The following TM4SF4 variants were observed in gnomAD, a reference collection of about 807,000 sequenced individuals.
The protein encoded by TM4SF4 is transmembrane 4 L six family member 4, also known as transmembrane 4 L6 family member 4.
A neutral mutation model predicts 24.1 loss-of-function variants in TM4SF4; 24 were observed. The ratio of observed to expected loss-of-function variants is 1.00; its 90% CI spans 0.72 to 1.40. The LOEUF (loss-of-function observed/expected upper bound fraction) is 1.40, where lower values mean the gene tolerates loss of function less well. TM4SF4 is among the 40% of genes most tolerant of loss of function. The probability of loss-of-function intolerance (pLI) is 0.00; values close to 1 mark genes in which losing one functional copy is unlikely to be tolerated. For missense variants in TM4SF4, 254 were observed against 254.2 expected (o/e 1.00, Z 0.01); for synonymous variants, 113 against 97.0 (o/e 1.17, Z -0.97).
rs6440615 is a variant in TM4SF4, at chr3:149,479,717, G to A, written c.264+3805G>A. Among the ~76,000 whole-genome samples, 726 of 152,336 alleles carry A rather than the reference G, an allele frequency of 4.8e-3. 4 individuals carry two copies. The highest frequency in any genetic ancestry group is 0.017 in the African/African-American group (687 of 41,582). ...CATTGCATAGGAAGCCCTGCAGGTG[G>A]AAAGGCCTGTGAGGCAGACACAGAC... is the stretch of plus-strand genomic sequence containing the variant. On this transcript the variant is annotated intron_variant, in intron 2 of 4. Coordinates refer to ENST00000305354, the MANE Select transcript of TM4SF4 (RefSeq NM_004617.4).
intron 3 of TM4SF4, among the ~76,000 whole-genome samples, chr3:149,492,007 A>G (rs1254197252): frequency 2.0e-5 from 3 of 152,148 alleles, no homozygotes; most frequent in Non-Finnish European, 4.4e-5. Context: ...CAAGCAAGAC[A>G]TGGCATGGCT....
intron 2 of TM4SF4, among the ~76,000 whole-genome samples, chr3:149,478,226 A>T (rs942965522): frequency 6.6e-6 from 1 of 152,166 alleles, no homozygotes; most frequent in Non-Finnish European, 1.5e-5. Flanking sequence ...GCTCACTGCA[A>T]CCTCTGCCTC....
intron 1 of TM4SF4, among the ~76,000 whole-genome samples, chr3:149,475,512 G>T (rs2107864677): frequency 6.6e-6 from 1 of 152,292 alleles, no homozygotes; most frequent in South Asian, 2.1e-4. Flanking sequence ...CTCCGTTTGA[G>T]AGAGTGAAAG....
rs746385425 is a variant in TM4SF4 at position 149,475,062 on chromosome 3, A to T, written c.174+11A>T. ...GGAAGCGGTGTCTTGGTGAGTAGGG[A>T]AGCTTAAAATCCCCCTAAGGGAGAT... On this transcript the variant is annotated intron_variant, in intron 1 of 4. Transcript: ENST00000305354. The T allele has an allele frequency of 3.2e-6, 5 of 1,540,024 alleles. No individual in the cohort carries two copies. The highest frequency in any genetic ancestry group is 1.5e-5 in the African/African-American group (1 of 68,650).
intron 3 of TM4SF4, 30 bp from the exon 4 acceptor site, chr3:149,498,692 T>A: frequency 6.3e-7 from 1 of 1,599,588 alleles, no homozygotes; most frequent in Non-Finnish European, 8.6e-7. Flanking sequence ...TTTTTACAAA[T>A]GTTTCCTTTG....
At chr3:149,475,672 C>G (rs1733915090) in intron 1 of TM4SF4, 151 bp from the exon 2 acceptor site, 1 of 649,340 alleles carries the variant, frequency 1.5e-6, no homozygotes, top group African/African-American at 1.8e-5. Flanking sequence ...CCATAACACT[C>G]CATTACCCCT....
At chr3:149,477,583 T>G (rs980205874) in intron 2 of TM4SF4, among the ~76,000 whole-genome samples, 1 of 152,236 alleles carries the variant, frequency 6.6e-6, no homozygotes, top group East Asian at 1.9e-4. Flanking sequence ...TGCTCCAATG[T>G]GCATACATTA....
intron 2 of TM4SF4, among the ~76,000 whole-genome samples, chr3:149,486,295 G>A (rs981843728): frequency 2.0e-5 from 3 of 152,146 alleles, no homozygotes; most frequent in Non-Finnish European, 4.4e-5. Flanking sequence ...ATTTTAAGAT[G>A]ATAAAACTAA....
intron 2 of TM4SF4, among the ~76,000 whole-genome samples, chr3:149,481,604 G>A (rs1298513851): frequency 6.6e-6 from 1 of 152,092 alleles, no homozygotes; most frequent in Admixed American, 6.5e-5. Context: ...AAGGAGGAAT[G>A]TCCATGCCCT....
intron 2 of TM4SF4, among the ~76,000 whole-genome samples, chr3:149,484,765 G>A (rs554762571): frequency 6.6e-6 from 1 of 152,160 alleles, no homozygotes; most frequent in South Asian, 2.1e-4. Flanking sequence ...TATTGGCCAG[G>A]CTGGTCTGGA....
chr3:149,475,840 G>A lies in TM4SF4; in HGVS notation c.192G>A (p.Leu64=). 1 of 1,612,144 alleles carries A rather than the reference G, an allele frequency of 6.2e-7. No individual in the cohort carries two copies. Among genetic ancestry groups the A allele is most frequent in the Non-Finnish European group, 8.5e-7 (1 of 1,179,190 alleles). The stretch of plus-strand genomic sequence containing the variant: ...CCTGGTAGATGATCTTCCCTGCGCT[G>A]GTGTTCTTGGGCCTGAAGAACAATG... The part of the protein sequence containing the change: ...GSGVLMIFPA[L]VFLGLKNNDC... Residue 64 remains leucine, a synonymous_variant, in exon 2 of 5, where the codon CTG becomes CTA. Coordinates refer to ENST00000305354, the MANE Select transcript of TM4SF4 (RefSeq NM_004617.4).
chr3:149,494,314 A>C (rs775647064), intron 3 of TM4SF4, among the ~76,000 whole-genome samples: 23 of 152,162 alleles, frequency 1.5e-4, no homozygotes. Context: ...CAGGCAACCA[A>C]ATTCAATCCT....
At chr3:149,486,482 C>T (rs904338794) in intron 2 of TM4SF4, among the ~76,000 whole-genome samples, 1 of 152,218 alleles carries the variant, frequency 6.6e-6, no homozygotes, top group Non-Finnish European at 1.5e-5. Flanking sequence ...ATTCTACTTT[C>T]TAGTTACTGT....
intron 3 of TM4SF4, 42 bp downstream of exon 3, chr3:149,487,797 G>A (rs374635570): frequency 1.9e-6 from 3 of 1,603,214 alleles, no homozygotes; most frequent in East Asian, 2.2e-5. Flanking sequence ...ACCACAAGGG[G>A]CATGGGCAGA....
intron 4 of TM4SF4, among the ~76,000 whole-genome samples, chr3:149,500,140 T>C (rs186384737): frequency 5.3e-5 from 8 of 152,130 alleles, no homozygotes; most frequent in Admixed American, 4.6e-4. Flanking sequence ...TCCCCCAAAA[T>C]TGCAGTAATA....
chr3:149,476,653 T>C (rs1733932885), intron 2 of TM4SF4, among the ~76,000 whole-genome samples: 1 of 152,196 alleles, frequency 6.6e-6, no homozygotes, highest in Non-Finnish European at 1.5e-5. Flanking sequence ...CAAGCTCTGG[T>C]GCTACACAGA....
chr3:149,475,477 T>C (rs1368086278), intron 1 of TM4SF4, among the ~76,000 whole-genome samples: 4 of 152,196 alleles, frequency 2.6e-5, no homozygotes, highest in Non-Finnish European at 4.4e-5. Flanking sequence ...TTTCTTTACC[T>C]CTGGTTTCCA....
At chr3:149,487,872 G>A (rs753125882) in intron 3 of TM4SF4, 117 bp downstream of exon 3, 10 of 1,410,594 alleles carry the variant, frequency 7.1e-6, no homozygotes, top group Non-Finnish European at 7.7e-6. Context: ...CCTCAGGCTC[G>A]GTGCTCCTTT....
intron 1 of TM4SF4, 163 bp from the exon 2 acceptor site, chr3:149,475,660 C>T (rs1395907528): frequency 5.0e-6 from 3 of 604,844 alleles, no homozygotes; most frequent in Non-Finnish European, 8.9e-6. Context: ...AATCTAAGTA[C>T]TCCATAACAC....
Sources: gnomAD v4.1 joint callset for allele counts (sites outside exome capture counted in the v4.1 genomes callset) on GRCh38, gnomAD v4.1.1 for gene constraint, MANE v1.5 for transcripts, NCBI Gene and HGNC (gene_info 2026-07-23, HGNC 2026-07-21) for gene names.